Variants in E2F3 observed in about 807,000 individuals in gnomAD.
The protein encoded by E2F3 is E2F transcription factor 3.
A neutral mutation model predicts 44.4 loss-of-function variants in E2F3; 11 were observed. The ratio of observed to expected loss-of-function variants is 0.25; its 90% CI spans 0.16 to 0.41. E2F3 has a LOEUF of 0.41. Among genes scored for constraint, E2F3 ranks in the 10% least tolerant of loss-of-function variants. E2F3 has a pLI of 1.00. For missense variants in E2F3, 487 were observed against 583.6 expected, an observed-to-expected ratio of 0.83 and a Z score of 1.70; for synonymous variants, 249 against 253.0, an observed-to-expected ratio of 0.98 and a Z score of 0.15.
intron 1 of E2F3, among the ~76,000 whole-genome samples, chr6:20,468,914 G>T (rs984810807): frequency 1.3e-5 from 2 of 152,200 alleles, no homozygotes; most frequent in Non-Finnish European, 2.9e-5. Context: ...CACAGTGTAT[G>T]CAGTGAAGGA....
intron 1 of E2F3, among the ~76,000 whole-genome samples, chr6:20,471,900 A>G (rs1761901447): frequency 6.6e-6 from 1 of 152,034 alleles, no homozygotes; most frequent in African/African-American, 2.4e-5. Context: ...AATTTTAGTG[A>G]AGTCTGTGGT....
chr6:20,402,499 C>T lies in E2F3; in HGVS notation c.267C>T (p.Pro89=). The part of the protein sequence containing the change: ...VAAGPLLPSA[P]GAEQTAGSLL... ...CCGGCCCCCTCCTCCCCAGTGCCCCCGGCGCGGAGCAGACCGCCGGCAGCC... is the reference window on the plus strand; with the variant it reads ...CCGGCCCCCTCCTCCCCAGTGCCCCTGGCGCGGAGCAGACCGCCGGCAGCC... Residue 89 remains proline (P), a synonymous_variant, in exon 1 of 7, where the codon CCC becomes CCT. Transcript: ENST00000346618. The surrounding 1 kb of genome is among the most constrained non-coding windows in gnomAD (Gnocchi z 5.6). 1 of 1,605,416 alleles carries T rather than the reference C, an allele frequency of 6.2e-7. No homozygotes were observed. The highest frequency in any genetic ancestry group is 8.5e-7 in the Non-Finnish European group (1 of 1,178,934).
At position 20,492,168 on chromosome 6, in the gene E2F3, A is replaced by C. The variant is rs1762571180; in HGVS notation, c.*1738A>C. On this transcript the variant is annotated 3_prime_UTR_variant, in exon 7 of 7. Transcript: ENST00000346618. ...CCTTAGGAAAAAAAAAAAACACACA[A>C]AAAACCACAAGAGCCCCAGCCAGTT... is the stretch of plus-strand genomic sequence containing the variant. The C allele has an allele frequency of 4.4e-6, 1 of 226,700 alleles. No homozygotes were observed. The allele number at this position is 226,700 out of a possible 1,614,324, so 14.0% of individuals were successfully genotyped here. A position where few individuals can be genotyped will look rare whatever the true frequency, so the allele number is the denominator to read the frequency against.
chr6:20,487,731 T>A (rs924597259), intron 5 of E2F3, among the ~76,000 whole-genome samples: 1 of 152,144 alleles, frequency 6.6e-6, no homozygotes, highest in Non-Finnish European at 1.5e-5. Flanking sequence ...CTCAGCAAAC[T>A]TTTTCATTGA....
Position 20,409,238 on chromosome 6 carries a change from A to C in E2F3, c.393+6613A>C, listed in dbSNP as rs1250733952. Reference sequence around the variant, plus strand: ...ATGCGCACATAAAGAAGTGTCCTTTAAACAGTTGGCTGTGGGGGTAATGAC... The same window carrying C: ...ATGCGCACATAAAGAAGTGTCCTTTCAACAGTTGGCTGTGGGGGTAATGAC... On this transcript the variant is annotated intron_variant, in intron 1 of 6. Transcript: ENST00000346618. Among the ~76,000 whole-genome samples the C allele has an allele frequency of 4.6e-5, 7 of 152,378 alleles. No individual in the cohort carries two copies. The East Asian group carries it at 1.2e-3, about 25-fold the overall frequency.
chr6:20,483,750 T>C (rs899368390), intron 4 of E2F3, among the ~76,000 whole-genome samples: 2 of 152,202 alleles, frequency 1.3e-5, no homozygotes, highest in East Asian at 3.9e-4. Flanking sequence ...AACAGTACTG[T>C]AAGTTATCCC....
chr6:20,468,674 C>G lies in E2F3; in HGVS notation c.394-11172C>G, dbSNP rs78539842. The stretch of plus-strand genomic sequence containing the variant: ...TAGAGATGGGTCTGAAAGTTCTGAC[C>G]CTCTGATCCTGCCTTGGTTTTTCCA... On this transcript the variant is annotated intron_variant, in intron 1 of 6. Coordinates refer to ENST00000346618, the MANE Select transcript of E2F3 (RefSeq NM_001949.5). Among the ~76,000 whole-genome samples the G allele has an allele frequency of 8.8e-3, 1,339 of 152,266 alleles. 23 individuals are homozygous for G. The highest frequency in any genetic ancestry group is 0.03 in the African/African-American group (1,252 of 41,534).
intron 1 of E2F3, among the ~76,000 whole-genome samples, chr6:20,455,430 A>C (rs1232254387): frequency 6.6e-6 from 1 of 152,194 alleles, no homozygotes; most frequent in African/African-American, 2.4e-5. Context: ...TCTGACCTAC[A>C]AAAGTGTCTG....
At chr6:20,473,464 G>A (rs1761954216) in intron 1 of E2F3, among the ~76,000 whole-genome samples, 1 of 152,148 alleles carries the variant, frequency 6.6e-6, no homozygotes, top group South Asian at 2.1e-4. Context: ...GTGGAAAACA[G>A]TTAACATGGT....
rs1449884422 is a variant in E2F3, at chr6:20,491,281, A to G, written c.*851A>G. On this transcript the variant is annotated 3_prime_UTR_variant, in exon 7 of 7. Coordinates refer to ENST00000346618, the MANE Select transcript of E2F3 (RefSeq NM_001949.5). ...CCATTTAAGCATTCCTGTGGCACCC[A>G]TCACCATTTCAATTTAATTGTTTAC... is the stretch of plus-strand genomic sequence containing the variant. The G allele has an allele frequency of 4.3e-6, 1 of 231,058 alleles. No homozygotes were observed. The highest frequency in any genetic ancestry group is 8.6e-6 in the Non-Finnish European group (1 of 116,406). 14.3% of individuals were successfully genotyped at this position (231,058 alleles called of 1,614,324 possible). A position where few individuals can be genotyped will look rare whatever the true frequency, so the allele number is the denominator to read the frequency against.
In E2F3 at chr6:20,481,187, GTT is replaced by G; in HGVS notation, c.506-15_506-14del. ...TTTCCCCCTATCCCCCACCCGCTCG[GTT>G]TTTGTTTTTCTTTAAGCTCCAAAAT... On this transcript the variant is annotated splice_polypyrimidine_tract_variant and intron_variant, in intron 2 of 6. Transcript: ENST00000346618. The G allele has an allele frequency of 2.5e-6, 4 of 1,612,400 alleles. No homozygotes were observed. Among genetic ancestry groups the G allele is most frequent in the Non-Finnish European group, 3.4e-6 (4 of 1,178,904 alleles).
chr6:20,490,245 A>G lies in E2F3; in HGVS notation c.1213A>G (p.Asn405Asp), dbSNP rs1377041339. Residue 405 changes from asparagine (N) to aspartate (D), a missense_variant, in exon 7 of 7, where the codon AAC becomes GAC. Around this residue, in one of 3 missense-constraint regions of E2F3, gnomAD observed 220 missense variants for 261.7 expected, o/e 0.84. Transcript: ENST00000346618. This position sits in a 1 kb window ranked among gnomAD's most constrained non-coding sequence, Gnocchi z 4.3. ...GNLSPLASPANLLQQTEDQIP... is the reference protein window; with the variant it reads ...GNLSPLASPADLLQQTEDQIP... ...CCTTTCTCCTCTGGCCTCCCCAGCCAACCTCTTACAGCAGACTGAGGACCA... is the reference window on the plus strand; with the variant it reads ...CCTTTCTCCTCTGGCCTCCCCAGCCGACCTCTTACAGCAGACTGAGGACCA... The G allele has an allele frequency of 6.2e-7, 1 of 1,614,014 alleles. No homozygotes were observed. Among genetic ancestry groups the G allele is most frequent in the Admixed American group, 1.7e-5 (1 of 59,990 alleles).
At chr6:20,467,980 A>G (rs1374702924) in intron 1 of E2F3, among the ~76,000 whole-genome samples, 1 of 152,024 alleles carries the variant, frequency 6.6e-6, no homozygotes, top group African/African-American at 2.4e-5. Flanking sequence ...CTTCCCAAAC[A>G]TGAGCTAGGG....
rs755216364 is a variant in E2F3, at chr6:20,491,235, G to T, written c.*805G>T. ...ACTTAGTTCTTTGTGGATTGTTCTA[G>T]ACTTTTAATTTTTTTAGCTGCCATT... On this transcript the variant is annotated 3_prime_UTR_variant, in exon 7 of 7. Coordinates refer to ENST00000346618, the MANE Select transcript of E2F3 (RefSeq NM_001949.5). The T allele has an allele frequency of 8.6e-6, 2 of 231,970 alleles. No homozygotes were observed. The highest frequency in any genetic ancestry group is 8.5e-6 in the Non-Finnish European group (1 of 116,988). 14.4% of individuals were successfully genotyped at this position (231,970 alleles called of 1,614,324 possible). A position where few individuals can be genotyped will look rare whatever the true frequency, so the allele number is the denominator to read the frequency against.
intron 1 of E2F3, among the ~76,000 whole-genome samples, chr6:20,438,371 T>C (rs947506735): frequency 6.6e-6 from 1 of 152,216 alleles, no homozygotes; most frequent in Non-Finnish European, 1.5e-5. Flanking sequence ...AACTCTATGT[T>C]TTCCCCATCA....
At chr6:20,430,078 TA>T (rs1223172796) in intron 1 of E2F3, among the ~76,000 whole-genome samples, 1 of 152,060 alleles carries the variant, frequency 6.6e-6, no homozygotes, top group Non-Finnish European at 1.5e-5. Flanking sequence ...ATTTTAAATA[TA>T]AATTCTACTT....
intron 1 of E2F3, among the ~76,000 whole-genome samples, chr6:20,472,025 A>ACACACACACACAC (rs1554140446): frequency 7.2e-6 from 1 of 138,358 alleles, no homozygotes; most frequent in South Asian, 2.4e-4. Context: ...CCCCCCCTCC[A>ACACACACACACAC]ACACACACAC....
intron 1 of E2F3, among the ~76,000 whole-genome samples, chr6:20,468,878 T>G (rs762149319): frequency 6.6e-6 from 1 of 152,014 alleles, no homozygotes; most frequent in Non-Finnish European, 1.5e-5. Flanking sequence ...TCAAATCAAG[T>G]GACAGATGTT....
intron 1 of E2F3, among the ~76,000 whole-genome samples, chr6:20,417,887 G>A (rs1192451245): frequency 3.9e-5 from 6 of 151,956 alleles, no homozygotes; most frequent in African/African-American, 1.5e-4. Flanking sequence ...CCATCGGTGG[G>A]CATTTCCTCT....
Sources: allele counts gnomAD v4.1 joint callset (sites outside exome capture counted in the v4.1 genomes callset), GRCh38; gene constraint gnomAD v4.1.1; regional missense constraint gnomAD v4.1.1; non-coding constraint Gnocchi (gnomAD v3.1); transcripts MANE v1.5; gene names NCBI Gene and HGNC (gene_info 2026-07-23, HGNC 2026-07-21).